Variants in CPAMD8 observed in about 807,000 individuals in gnomAD.
The protein encoded by CPAMD8 is C3 and PZP like alpha-2-macroglobulin domain containing 8, also known as C3 and PZP-like alpha-2-macroglobulin domain-containing protein 8.
A neutral mutation model predicts 224.7 loss-of-function variants in CPAMD8; 146 were observed. That is an observed-to-expected ratio of 0.65 (90% confidence interval 0.57 to 0.75). CPAMD8 has a LOEUF of 0.75. Ranked by LOEUF, CPAMD8 falls within the 30% of genes least tolerant of loss-of-function variation. CPAMD8 has a pLI of 0.00. For synonymous variants in CPAMD8, 966 were observed against 1,044.6 expected (o/e 0.92, Z 1.45); for missense variants, 2,301 against 2,537.5 (o/e 0.91, Z 2.00).
chr19:17,008,632 T>G lies in CPAMD8; in HGVS notation c.505-73A>C, dbSNP rs1391341960. 8 of 1,508,750 alleles carry G rather than the reference T, an allele frequency of 5.3e-6. No homozygotes were observed. The South Asian group carries it at 6.8e-5, about 13-fold the overall frequency. 93.5% of individuals were successfully genotyped at this position (1,508,750 alleles called of 1,614,324 possible). A position where few individuals can be genotyped will look rare whatever the true frequency, so the allele number is the denominator to read the frequency against. On this transcript the variant is annotated intron_variant, in intron 6 of 41. Coordinates refer to ENST00000443236, the MANE Select transcript of CPAMD8 (RefSeq NM_015692.5). ...CCTAGCATGTGCCCAATGTAAGGAT[T>G]TTCCCAGTCCTCTCTCTTGGGCATG...
intron 29 of CPAMD8, among the ~76,000 whole-genome samples, chr19:16,909,248 TA>T (rs917118245): frequency 6.6e-6 from 1 of 152,128 alleles, no homozygotes; most frequent in African/African-American, 2.4e-5. Context: ...CAAATATCTT[TA>T]AAAAATTTTT....
At chr19:16,958,599 T>C (rs2054548592) in intron 18 of CPAMD8, among the ~76,000 whole-genome samples, 1 of 152,172 alleles carries the variant, frequency 6.6e-6, no homozygotes, top group Admixed American at 6.5e-5. Flanking sequence ...CATGGGTCTT[T>C]ATGGTAGAAT....
intron 23 of CPAMD8, among the ~76,000 whole-genome samples, chr19:16,933,387 A>T (rs1158149996): frequency 1.3e-5 from 2 of 152,224 alleles, no homozygotes; most frequent in Admixed American, 1.3e-4. Flanking sequence ...AAGAGAATGA[A>T]TGAAAAGGTA....
At chr19:16,925,898 C>T (rs373553707) in intron 25 of CPAMD8, among the ~76,000 whole-genome samples, 38 of 152,004 alleles carry the variant, frequency 2.5e-4, no homozygotes, top group African/African-American at 8.7e-4. Context: ...GGACTACAGG[C>T]GTGTGCCACC....
At chr19:17,004,478 T>A (rs2056427986) in intron 7 of CPAMD8, 92 bp from the exon 8 acceptor site, 1 of 775,720 alleles carries the variant, frequency 1.3e-6, no homozygotes, top group Admixed American at 2.2e-5. Context: ...TCCTTCTCCT[T>A]CCCTGAGCAG....
chr19:17,010,977 C>T (rs1461478930), intron 5 of CPAMD8, among the ~76,000 whole-genome samples: 3 of 151,590 alleles, frequency 2.0e-5, no homozygotes, highest in Non-Finnish European at 2.9e-5. Flanking sequence ...GAGCCAAGAT[C>T]GCACCACTGC....
intron 18 of CPAMD8, 23 bp from the exon 19 acceptor site, chr19:16,957,938 G>A (rs199609885): frequency 5.0e-6 from 8 of 1,604,112 alleles, no homozygotes; most frequent in Middle Eastern, 1.6e-4. Context: ...AAAAAGAAAC[G>A]ATTAAGGTTT....
Position 17,022,057 on chromosome 19 carries a change from C to T in CPAMD8, c.217G>A (p.Val73Met). 2 of 1,605,686 alleles carry T rather than the reference C, an allele frequency of 1.2e-6. No individual in the cohort carries two copies. The highest frequency in any genetic ancestry group is 1.1e-5 in the South Asian group (1 of 89,550). The change falls in exon 2 of 42, where the codon GTG becomes ATG. Residue 73 changes from valine to methionine, a missense_variant. Transcript: ENST00000443236. ...AGGATGGCTCCCTGGCTCTGCACCA[C>T]CGGCTCACCCTGGGCCACCAGCTGA... is the stretch of plus-strand genomic sequence containing the variant. The part of the protein sequence containing the change: ...QAQLVAQGEP[V>M]VQSQGAILDK...
At position 16,967,231 on chromosome 19, in the gene CPAMD8, T is replaced by C. The variant is rs1022760385; in HGVS notation, c.2213+3660A>G. ...AGAAACCATCATTCTCAGCAAACTATCACAAAGACAGAAAACCAAATACTG... is the reference window on the plus strand; with the variant it reads ...AGAAACCATCATTCTCAGCAAACTACCACAAAGACAGAAAACCAAATACTG... On this transcript the variant is annotated intron_variant, in intron 18 of 41. Coordinates refer to ENST00000443236, the MANE Select transcript of CPAMD8 (RefSeq NM_015692.5). 1.3e-4 allele frequency among the ~76,000 whole-genome samples: 20 copies of C among 150,014 alleles called. 1 individual carries two copies. The highest frequency in any genetic ancestry group is 1.2e-4 in the Non-Finnish European group (8 of 67,814).
At chr19:17,010,815 G>A (rs1338951427) in intron 5 of CPAMD8, among the ~76,000 whole-genome samples, 1 of 152,046 alleles carries the variant, frequency 6.6e-6, no homozygotes, top group African/African-American at 2.4e-5. Context: ...CTGAGGTCAG[G>A]AGTTTGAAAC....
At chr19:16,992,917 C>T (rs908664471) in intron 12 of CPAMD8, among the ~76,000 whole-genome samples, 5 of 150,878 alleles carry the variant, frequency 3.3e-5, no homozygotes, top group African/African-American at 7.3e-5. Flanking sequence ...GGCAACAGAG[C>T]GAGACCCTGT....
In CPAMD8 at chr19:16,976,133, C is replaced by G; in HGVS notation, c.1777G>C (p.Ala593Pro). The change falls in exon 16 of 42, where the codon GCA becomes CCA. Residue 593 changes from alanine (A) to proline (P), a missense_variant. Physicochemically the swap from Ala to Pro is conservative, Grantham distance 27. Transcript: ENST00000443236. Reference sequence around the variant, plus strand: ...ACCTCCCCAGGTTGGGTCTCATTTGCTGAATACGTCACTGAAACCTTGGCG... The same window carrying G: ...ACCTCCCCAGGTTGGGTCTCATTTGGTGAATACGTCACTGAAACCTTGGCG... The part of the protein sequence containing the change: ...FENQVSVTYS[A>P]NETQPGEVVD... 6.2e-7 allele frequency: 1 copy of G among 1,611,082 alleles called. No individual in the cohort carries two copies. Among genetic ancestry groups the G allele is most frequent in the Non-Finnish European group, 8.5e-7 (1 of 1,178,590 alleles).
In CPAMD8 at chr19:16,898,119, C is replaced by G. The variant is rs2052103575; in HGVS notation, c.4849-125G>C. On this transcript the variant is annotated intron_variant, in intron 37 of 41. Transcript: ENST00000443236. This position sits in a 1 kb window ranked among gnomAD's most constrained non-coding sequence, Gnocchi z 4.2. The stretch of plus-strand genomic sequence containing the variant: ...GTGAAACACAGAAGAAACGTGATCC[C>G]ATTTTCTTTTTTTCTTTTACTTTTC... The G allele has an allele frequency of 1.6e-6, 1 of 624,260 alleles. No homozygotes were observed. The highest frequency in any genetic ancestry group is 3.1e-5 in the Admixed American group (1 of 32,540). The allele number at this position is 624,260 out of a possible 1,614,324, so 38.7% of individuals were successfully genotyped here.
intron 30 of CPAMD8, among the ~76,000 whole-genome samples, chr19:16,905,310 T>C (rs1210081883): frequency 1.3e-5 from 2 of 150,970 alleles, no homozygotes; most frequent in Non-Finnish European, 2.9e-5. Context: ...CAAGGCACGG[T>C]GGCTCATGCC....
chr19:16,904,526 T>C lies in CPAMD8; in HGVS notation c.4054A>G (p.Asn1352Asp). ...GTGCCCTTGTCCACGTCCCAGGAAT[T>C]TGACAGGCTCCAGTGGGTGACCCCA... ...RDGVTHWSLS[N>D]SWDVDKGTFL... The change falls in exon 31 of 42, where the codon AAT becomes GAT. Residue 1352 changes from asparagine (N) to aspartate (D), a missense_variant. By Grantham distance (23) the Asn-to-Asp change is conservative. This residue lies in a region of CPAMD8 where 1,709 missense variants were observed against 1,753.2 expected (regional missense o/e 0.97). Transcript: ENST00000443236. 6.2e-7 allele frequency: 1 copy of C among 1,614,010 alleles called. No homozygotes were observed. Among genetic ancestry groups the C allele is most frequent in the East Asian group, 2.2e-5 (1 of 44,884 alleles).
At chr19:17,015,011 G>GT (rs2056773653) in intron 3 of CPAMD8, among the ~76,000 whole-genome samples, 2 of 152,232 alleles carry the variant, frequency 1.3e-5, no homozygotes, top group Admixed American at 1.3e-4. Context: ...GGAGGCTGAG[G>GT]TGGGCAGATC....
At chr19:16,986,869 T>A (rs1170039779) in intron 13 of CPAMD8, among the ~76,000 whole-genome samples, 1 of 151,794 alleles carries the variant, frequency 6.6e-6, no homozygotes, top group Non-Finnish European at 1.5e-5. Context: ...AATATAGATG[T>A]GTATGGCCAG....
intron 15 of CPAMD8, among the ~76,000 whole-genome samples, chr19:16,976,460 G>A (rs1200959078): frequency 6.6e-6 from 1 of 151,934 alleles, no homozygotes; most frequent in East Asian, 1.9e-4. Flanking sequence ...AGGGCAACAA[G>A]AATGAAACTC....
At chr19:16,911,044 T>C (rs1206384945) in intron 29 of CPAMD8, among the ~76,000 whole-genome samples, 5 of 152,208 alleles carry the variant, frequency 3.3e-5, no homozygotes, top group African/African-American at 1.2e-4. Context: ...TGTGGCAATT[T>C]GTTATGGCAG....
Sources: gnomAD v4.1 joint callset for allele counts (sites outside exome capture counted in the v4.1 genomes callset) on GRCh38, gnomAD v4.1.1 for gene constraint, gnomAD v4.1.1 regional missense constraint, Gnocchi (gnomAD v3.1) non-coding constraint, MANE v1.5 for transcripts, NCBI Gene and HGNC (gene_info 2026-07-23, HGNC 2026-07-21) for gene names.